RIT2: variants seen among roughly 807,000 people sequenced by gnomAD.
RIT2 encodes the protein Ras like without CAAX 2.
Under a neutral mutation model 23.7 loss-of-function variants are expected in RIT2, and 24 were observed. The observed-to-expected ratio is 1.01, with a 90% CI of 0.73 to 1.43. The LOEUF is 1.43. RIT2 is among the 40% of genes most tolerant of loss of function. RIT2 has a pLI of 0.00. For synonymous variants in RIT2, 107 were observed against 91.1 expected (o/e 1.17, Z -0.99); for missense variants, 236 against 266.9 (o/e 0.88, Z 0.81).
At chr18:42,865,137 T>G (rs958801364) in intron 4 of RIT2, among the ~76,000 whole-genome samples, 9 of 152,200 alleles carry the variant, frequency 5.9e-5, no homozygotes, top group Non-Finnish European at 1.0e-4. Flanking sequence ...TATCTGTTCT[T>G]TGTAACAATC....
chr18:43,052,076 C>T (rs1193351661), intron 1 of RIT2, among the ~76,000 whole-genome samples: 1 of 152,150 alleles, frequency 6.6e-6, no homozygotes, highest in Non-Finnish European at 1.5e-5. Context: ...ACACTCCACT[C>T]TCATGAATAT....
At chr18:42,953,203 A>G (rs939238166) in intron 3 of RIT2, among the ~76,000 whole-genome samples, 12 of 152,088 alleles carry the variant, frequency 7.9e-5, no homozygotes, top group Non-Finnish European at 1.6e-4. Flanking sequence ...ATATGTTTTA[A>G]AAGAGAGAGA....
intron 4 of RIT2, among the ~76,000 whole-genome samples, chr18:42,819,995 T>C (rs1906103690): frequency 6.6e-6 from 1 of 152,152 alleles, no homozygotes; most frequent in African/African-American, 2.4e-5. Flanking sequence ...AAGTAATCTC[T>C]AGGTTACTTA....
chr18:42,831,892 T>C (rs16977027), intron 4 of RIT2, among the ~76,000 whole-genome samples: 2,453 of 152,270 alleles, frequency 0.016, 75 homozygotes, highest in African/African-American at 0.056. Flanking sequence ...CCTTGCCCCT[T>C]GCCTGCAATG....
At chr18:42,913,949 T>C (rs1908838871) in intron 4 of RIT2, among the ~76,000 whole-genome samples, 1 of 152,072 alleles carries the variant, frequency 6.6e-6, no homozygotes, top group Non-Finnish European at 1.5e-5. Flanking sequence ...CATCATGTTG[T>C]ACCTGATAAA....
intron 1 of RIT2, among the ~76,000 whole-genome samples, chr18:43,042,847 A>C (rs1912160444): frequency 6.6e-6 from 1 of 152,186 alleles, no homozygotes; most frequent in Non-Finnish European, 1.5e-5. Context: ...CAGCAACAAA[A>C]AATAAAATTA....
At chr18:43,094,446 T>C (rs1177326582) in intron 1 of RIT2, among the ~76,000 whole-genome samples, 1 of 152,002 alleles carries the variant, frequency 6.6e-6, no homozygotes, top group Non-Finnish European at 1.5e-5. Context: ...GATTGTTAAT[T>C]ACTTTGAATT....
intron 1 of RIT2, among the ~76,000 whole-genome samples, chr18:43,103,298 A>G (rs1010207232): frequency 6.6e-6 from 1 of 152,210 alleles, no homozygotes; most frequent in African/African-American, 2.4e-5. Flanking sequence ...GAAAAAGGGT[A>G]TTATGTTTAT....
At chr18:43,006,997 T>C (rs1911243534) in intron 2 of RIT2, among the ~76,000 whole-genome samples, 1 of 151,512 alleles carries the variant, frequency 6.6e-6, no homozygotes, top group African/African-American at 2.4e-5. Flanking sequence ...ATACTCTTTA[T>C]TAGAGAAAAA....
chr18:42,950,869 C>T (rs994868410), intron 3 of RIT2, among the ~76,000 whole-genome samples: 5 of 149,280 alleles, frequency 3.3e-5, no homozygotes, highest in Non-Finnish European at 5.9e-5. Flanking sequence ...TACCATCTCA[C>T]ACCAGTCAGA....
intron 4 of RIT2, among the ~76,000 whole-genome samples, chr18:42,833,395 A>T (rs1004907716): frequency 3.3e-5 from 5 of 152,172 alleles, no homozygotes; most frequent in African/African-American, 1.2e-4. Flanking sequence ...GTTGATGAAC[A>T]TTTAGGTTGA....
At position 42,823,523 on chromosome 18, in the gene RIT2, G is replaced by A. The variant is rs143967421; in HGVS notation, c.427-79803C>T. On this transcript the variant is annotated intron_variant, in intron 4 of 4. Transcript: ENST00000326695. ...GCTAATATAAAAAGCATATTTAGGT[G>A]TAAACAGCATTACAGGAGAATCAAG... Among the ~76,000 whole-genome samples the A allele has an allele frequency of 2.8e-3, 430 of 152,244 alleles. 3 individuals carry two copies. Among genetic ancestry groups the A allele is most frequent in the African/African-American group, 9.2e-3 (383 of 41,564 alleles).
At chr18:42,901,161 CAT>C (rs1908466275) in intron 4 of RIT2, among the ~76,000 whole-genome samples, 1 of 151,930 alleles carries the variant, frequency 6.6e-6, no homozygotes, top group South Asian at 2.1e-4. Context: ...AGACAATAAA[CAT>C]TATTAATTGT....
chr18:42,911,969 A>G (rs1279686942), intron 4 of RIT2, among the ~76,000 whole-genome samples: 1 of 151,908 alleles, frequency 6.6e-6, no homozygotes, highest in Non-Finnish European at 1.5e-5. Flanking sequence ...CAAACCCAAC[A>G]GGGATCACAT....
At chr18:42,843,047 C>T (rs747939297) in intron 4 of RIT2, among the ~76,000 whole-genome samples, 13 of 152,092 alleles carry the variant, frequency 8.5e-5, no homozygotes, top group Non-Finnish European at 1.8e-4. Context: ...CTAACATCTG[C>T]CTTGCACTAG....
intron 1 of RIT2, among the ~76,000 whole-genome samples, chr18:43,066,351 G>A (rs1452122080): frequency 1.3e-5 from 2 of 152,126 alleles, no homozygotes; most frequent in East Asian, 3.9e-4. Flanking sequence ...AACTCTGATA[G>A]CAAGGGTCTG....
chr18:43,016,211 G>C (rs1448937790), intron 2 of RIT2, among the ~76,000 whole-genome samples: 1 of 151,784 alleles, frequency 6.6e-6, no homozygotes, highest in Non-Finnish European at 1.5e-5. Flanking sequence ...TGGAAGATTT[G>C]TTTCCTATCA....
chr18:42,885,483 G>A (rs1265519951), intron 4 of RIT2, among the ~76,000 whole-genome samples: 1 of 152,160 alleles, frequency 6.6e-6, no homozygotes, highest in Non-Finnish European at 1.5e-5. Context: ...CTACTTGGGA[G>A]GCTGAGTCAG....
chr18:43,077,034 C>T (rs1355367904), intron 1 of RIT2, among the ~76,000 whole-genome samples: 7 of 134,150 alleles, frequency 5.2e-5, no homozygotes, highest in African/African-American at 1.7e-4. Flanking sequence ...ACCCGGGAGG[C>T]GGAGCTTGCA....
Sources: allele counts gnomAD v4.1 joint callset (sites outside exome capture counted in the v4.1 genomes callset), GRCh38; gene constraint gnomAD v4.1.1; transcripts MANE v1.5; gene names NCBI Gene and HGNC (gene_info 2026-07-23, HGNC 2026-07-21).